The following MAGI1 variants were observed in gnomAD, a reference collection of about 807,000 sequenced individuals.
The protein encoded by MAGI1 is membrane associated guanylate kinase, WW and PDZ domain containing 1.
A neutral mutation model predicts 139.9 loss-of-function variants in MAGI1; 58 were observed. That is an observed-to-expected ratio of 0.41 (90% confidence interval 0.34 to 0.52). The LOEUF is 0.52. MAGI1 is among the 20% of genes least tolerant of loss of function. MAGI1 has a pLI of 0.12. For missense variants in MAGI1, 1,874 were observed against 1,901.6 expected (o/e 0.99, Z 0.27); for synonymous variants, 812 against 737.9 (o/e 1.10, Z -1.63).
intron 2 of MAGI1, among the ~76,000 whole-genome samples, chr3:65,537,692 G>GA (rs952460225): frequency 2.0e-5 from 3 of 152,052 alleles, no homozygotes; most frequent in Admixed American, 6.5e-5. Flanking sequence ...GCCTTCCACT[G>GA]AAAAAAATCA....
chr3:65,680,117 CT>C (rs2087477284), intron 1 of MAGI1, among the ~76,000 whole-genome samples: 1 of 152,158 alleles, frequency 6.6e-6, no homozygotes, highest in Non-Finnish European at 1.5e-5. Context: ...AGACAAAGGC[CT>C]TACCGCTCTC....
At chr3:66,008,283 G>A (rs565963403) in intron 1 of MAGI1, among the ~76,000 whole-genome samples, 1 of 152,306 alleles carries the variant, frequency 6.6e-6, no homozygotes, top group Admixed American at 6.5e-5. Context: ...CCCAACCTGG[G>A]CCTACTGAAT....
chr3:65,732,743 A>G (rs1371168992), intron 1 of MAGI1, among the ~76,000 whole-genome samples: 2 of 152,222 alleles, frequency 1.3e-5, no homozygotes, highest in African/African-American at 2.4e-5. Flanking sequence ...AAAGTTATGC[A>G]TATCTTCCCT....
intron 1 of MAGI1, among the ~76,000 whole-genome samples, chr3:65,779,685 A>G (rs865984775): frequency 2.0e-5 from 3 of 152,242 alleles, no homozygotes; most frequent in Admixed American, 6.5e-5. Context: ...TGGCAACACA[A>G]GGCTTCTTTT....
intron 1 of MAGI1, among the ~76,000 whole-genome samples, chr3:65,988,459 G>A (rs1272363816): frequency 1.3e-5 from 2 of 152,142 alleles, no homozygotes; most frequent in Admixed American, 1.3e-4. Context: ...CGGCTGCAAG[G>A]CAAGATTTCT....
chr3:65,822,644 G>A (rs749340777), intron 1 of MAGI1, among the ~76,000 whole-genome samples: 2 of 152,218 alleles, frequency 1.3e-5, no homozygotes, highest in Non-Finnish European at 2.9e-5. Flanking sequence ...GAAGCATGAT[G>A]CTGGCATCTG....
At chr3:65,837,230 C>T (rs1189269354) in intron 1 of MAGI1, among the ~76,000 whole-genome samples, 2 of 152,166 alleles carry the variant, frequency 1.3e-5, no homozygotes, top group East Asian at 3.8e-4. Flanking sequence ...GAAATAATTC[C>T]AGGCAAAAAG....
At chr3:65,443,215 T>A (rs374226743) in intron 7 of MAGI1, among the ~76,000 whole-genome samples, 6 of 152,198 alleles carry the variant, frequency 3.9e-5, no homozygotes, top group African/African-American at 1.2e-4. Flanking sequence ...GCCATCTTAT[T>A]ACACAAGCAA....
chr3:66,012,765 CAAA>C (rs34971326), intron 1 of MAGI1, among the ~76,000 whole-genome samples: 6 of 113,960 alleles, frequency 5.3e-5, no homozygotes, highest in Admixed American at 8.5e-5. Context: ...GACTCCATCT[CAAA>C]AAAAAAAAAA....
chr3:65,390,156 C>T (rs1033117804), intron 14 of MAGI1, among the ~76,000 whole-genome samples: 2 of 152,180 alleles, frequency 1.3e-5, no homozygotes, highest in South Asian at 2.1e-4. Flanking sequence ...CCACGACTCT[C>T]GATGGGGACC....
chr3:65,862,688 C>T (rs377750167), intron 1 of MAGI1, among the ~76,000 whole-genome samples: 1 of 152,236 alleles, frequency 6.6e-6, no homozygotes, highest in African/African-American at 2.4e-5. Context: ...TCCTCTTCCA[C>T]CAGCTCATCA....
intron 1 of MAGI1, among the ~76,000 whole-genome samples, chr3:65,971,347 G>C (rs2065006383): frequency 6.6e-6 from 1 of 152,178 alleles, no homozygotes; most frequent in Non-Finnish European, 1.5e-5. Context: ...GGTCTTAAGT[G>C]ATGTTGAGCC....
chr3:65,747,888 A>G (rs2035831591), intron 1 of MAGI1, among the ~76,000 whole-genome samples: 1 of 152,244 alleles, frequency 6.6e-6, no homozygotes, highest in Admixed American at 6.5e-5. Context: ...ACAGAAAGGC[A>G]GAAGCAAAGC....
intron 12 of MAGI1, among the ~76,000 whole-genome samples, chr3:65,414,907 C>A (rs1197916663): frequency 6.8e-6 from 1 of 146,292 alleles, no homozygotes; most frequent in Admixed American, 6.9e-5. Context: ...TGCATGCCTG[C>A]AATCCCAGCT....
chr3:65,655,279 C>T (rs1026076701), intron 1 of MAGI1, among the ~76,000 whole-genome samples: 4 of 152,062 alleles, frequency 2.6e-5, no homozygotes, highest in Middle Eastern at 3.2e-3. Context: ...TTGGAAGATA[C>T]TTTACTGTAA....
intron 2 of MAGI1, among the ~76,000 whole-genome samples, chr3:65,539,258 A>C (rs2079097933): frequency 6.6e-6 from 1 of 152,144 alleles, no homozygotes; most frequent in Non-Finnish European, 1.5e-5. Flanking sequence ...ACCAAGTACC[A>C]ACAAACAGAC....
Position 65,803,108 on chromosome 3 carries a change from A to C in MAGI1, c.314-181020T>G, listed in dbSNP as rs188302763. 4.8e-3 allele frequency among the ~76,000 whole-genome samples: 724 copies of C among 152,180 alleles called. 15 individuals are homozygous for C. The highest frequency in any genetic ancestry group is 6.2e-4 in the Non-Finnish European group (42 of 68,014). ...TTCTTTGTTTTCTGCTACTTGCAAAATCAAAGTATTTCACTTTGAATAAGA... is the reference window on the plus strand; with the variant it reads ...TTCTTTGTTTTCTGCTACTTGCAAACTCAAAGTATTTCACTTTGAATAAGA... On this transcript the variant is annotated intron_variant, in intron 1 of 22. Coordinates refer to ENST00000402939, the MANE Select transcript of MAGI1 (RefSeq NM_001033057.2).
chr3:65,484,744 T>A (rs1951521849), intron 3 of MAGI1, among the ~76,000 whole-genome samples: 1 of 152,090 alleles, frequency 6.6e-6, no homozygotes, highest in Non-Finnish European at 1.5e-5. Flanking sequence ...CTCCTCCCTC[T>A]GCTCCTCACC....
At chr3:65,827,669 C>T (rs772179736) in intron 1 of MAGI1, among the ~76,000 whole-genome samples, 1 of 152,180 alleles carries the variant, frequency 6.6e-6, no homozygotes, top group Non-Finnish European at 1.5e-5. Context: ...ACCCTTACTT[C>T]AAGGTCTACT....
Sources: allele counts gnomAD v4.1 joint callset (sites outside exome capture counted in the v4.1 genomes callset), GRCh38; gene constraint gnomAD v4.1.1; transcripts MANE v1.5; gene names NCBI Gene and HGNC (gene_info 2026-07-23, HGNC 2026-07-21).